The following SCTR variants were observed in gnomAD, a reference collection of about 807,000 sequenced individuals.
SCTR encodes pancreatic secretin receptor.
SCTR carries 56 observed loss-of-function variants against 60.8 expected under a neutral mutation model. That is an observed-to-expected ratio of 0.92 (90% CI 0.74 to 1.15). The LOEUF is 1.15. Among genes scored for constraint, SCTR ranks in the 50% most tolerant of loss-of-function variants. The pLI, the probability that SCTR is intolerant of heterozygous loss-of-function variation, is 0.00. For missense variants in SCTR, 562 were observed against 550.4 expected (o/e 1.02, Z -0.21); for synonymous variants, 202 against 217.0 (o/e 0.93, Z 0.61).
intron 1 of SCTR, among the ~76,000 whole-genome samples, chr2:119,494,773 C>T (rs1348944263): frequency 6.6e-6 from 1 of 152,164 alleles, no homozygotes; most frequent in Non-Finnish European, 1.5e-5. Flanking sequence ...TGTGGCTTGT[C>T]CACTGCAAAT....
intron 1 of SCTR, chr2:119,495,674 T>C (rs1202211100): frequency 6.6e-6 from 1 of 152,278 alleles, no homozygotes; most frequent in Non-Finnish European, 1.5e-5. Flanking sequence ...CTATTCAGGA[T>C]CTTCCACATG....
intron 1 of SCTR, among the ~76,000 whole-genome samples, chr2:119,519,502 G>A (rs1445849740): frequency 6.6e-6 from 1 of 152,040 alleles, no homozygotes; most frequent in Non-Finnish European, 1.5e-5. Flanking sequence ...CTCTCTTTTG[G>A]AGCAGATGCA....
At chr2:119,459,677 G>A (rs531892333) in intron 7 of SCTR, among the ~76,000 whole-genome samples, 14 of 152,152 alleles carry the variant, frequency 9.2e-5, no homozygotes, top group Admixed American at 2.0e-4. Context: ...CAGGGCTGGC[G>A]TACAGTAGAT....
intron 7 of SCTR, among the ~76,000 whole-genome samples, chr2:119,455,563 A>G (rs1431561486): frequency 6.6e-6 from 1 of 152,248 alleles, no homozygotes; most frequent in African/African-American, 2.4e-5. Flanking sequence ...TGCTGTCAAC[A>G]GGGAGTGCCC....
intron 1 of SCTR, among the ~76,000 whole-genome samples, chr2:119,523,718 C>T (rs1679364092): frequency 6.6e-6 from 1 of 150,856 alleles, no homozygotes. Context: ...TTTTATTCCC[C>T]CTCTCCTCTC....
chr2:119,442,357 T>C (rs750375515), intron 11 of SCTR, among the ~76,000 whole-genome samples: 3 of 152,196 alleles, frequency 2.0e-5, no homozygotes, highest in Non-Finnish European at 4.4e-5. Context: ...CTGCGGCGCA[T>C]TCACCCTGCT....
intron 4 of SCTR, among the ~76,000 whole-genome samples, chr2:119,472,290 A>G (rs1005490493): frequency 6.6e-6 from 1 of 152,214 alleles, no homozygotes; most frequent in Non-Finnish European, 1.5e-5. Context: ...GCTGGCATGG[A>G]TGGGCCCGAG....
chr2:119,452,951 G>C (rs925081106), intron 8 of SCTR, among the ~76,000 whole-genome samples: 3 of 152,172 alleles, frequency 2.0e-5, no homozygotes, highest in Non-Finnish European at 4.4e-5. Context: ...GGAGATCCCA[G>C]GAGGAAGAAA....
intron 1 of SCTR, among the ~76,000 whole-genome samples, chr2:119,494,987 T>G (rs1678290327): frequency 6.6e-6 from 1 of 152,064 alleles, no homozygotes. Flanking sequence ...CAGGCTGGAG[T>G]GCAGTGGTGT....
chr2:119,457,219 A>AAT (rs60202347), intron 7 of SCTR, among the ~76,000 whole-genome samples: 3,900 of 151,964 alleles, frequency 0.026, 167 homozygotes, highest in African/African-American at 0.087. Context: ...TGATGCTGGC[A>AAT]ATATATATAT....
chr2:119,462,115 G>A (rs1683636399), intron 6 of SCTR, 115 bp from the exon 7 acceptor site: 6 of 953,334 alleles, frequency 6.3e-6, no homozygotes, highest in East Asian at 5.6e-5. Context: ...CCACAAGAGC[G>A]GGCCTCTGGG....
chr2:119,493,641 C>CTT (rs35864019), intron 2 of SCTR, among the ~76,000 whole-genome samples: 1,738 of 133,340 alleles, frequency 0.013, 30 homozygotes, highest in Non-Finnish European at 0.017. Flanking sequence ...CATTCTTCTT[C>CTT]TTTTTTTTTT....
Position 119,494,538 on chromosome 2 carries a change from A to T in SCTR, c.83T>A (p.Leu28His). ...LACAAHSTGA[L>H]PRLCDVLQVL... ...TTGTAGCACGTCACATAGTCGGGGA[A>T]GGGCTCCAGTCTGCAAGTCCAAAAC... Residue 28 changes from leucine to histidine, a missense_variant, in exon 2 of 13, where the codon CTT (leucine) becomes CAT (histidine). Physicochemically the swap from Leu to His is moderately conservative, Grantham distance 99. Transcript: ENST00000019103. 1 of 1,613,794 alleles carries T rather than the reference A, an allele frequency of 6.2e-7. No individual in the cohort carries two copies.
intron 1 of SCTR, among the ~76,000 whole-genome samples, chr2:119,497,473 C>G (rs1331894686): frequency 2.6e-5 from 4 of 151,856 alleles, no homozygotes; most frequent in Non-Finnish European, 4.4e-5. Flanking sequence ...ATGAGAAAAA[C>G]ATAATTAACA....
At chr2:119,491,188 C>T (rs1290250149) in intron 2 of SCTR, among the ~76,000 whole-genome samples, 4 of 152,224 alleles carry the variant, frequency 2.6e-5, no homozygotes, top group African/African-American at 7.2e-5. Context: ...TCACCTCCCA[C>T]ACTGTGGCAG....
intron 2 of SCTR, 42 bp from the exon 3 acceptor site, chr2:119,478,960 C>T (rs1345912813): frequency 1.9e-5 from 31 of 1,612,096 alleles, no homozygotes; most frequent in Non-Finnish European, 2.4e-5. Context: ...GGGGATGGAC[C>T]GAGGGCTGCC....
chr2:119,476,347 A>G (rs998837415), intron 3 of SCTR: 1 of 152,144 alleles, frequency 6.6e-6, no homozygotes, highest in Non-Finnish European at 1.5e-5. Flanking sequence ...CGTGGCCCCC[A>G]CCACCCTGGA....
chr2:119,484,721 T>A (rs1477153674), intron 2 of SCTR: 1 of 152,132 alleles, frequency 6.6e-6, no homozygotes, highest in Non-Finnish European at 1.5e-5. Context: ...CTCCTCAGAT[T>A]GAAGTCACAG....
At chr2:119,444,411 A>G (rs1228378014) in intron 11 of SCTR, among the ~76,000 whole-genome samples, 2 of 139,454 alleles carry the variant, frequency 1.4e-5, no homozygotes, top group African/African-American at 5.5e-5. Context: ...GTATGAATAT[A>G]TATACCCATA....
Sources: gnomAD v4.1 joint callset for allele counts (sites outside exome capture counted in the v4.1 genomes callset) on GRCh38, gnomAD v4.1.1 for gene constraint, MANE v1.5 for transcripts, NCBI Gene and HGNC (gene_info 2026-07-23, HGNC 2026-07-21) for gene names.